Variants in TGFBR3 observed in about 807,000 individuals in gnomAD.
TGFBR3 encodes transforming growth factor beta receptor 3.
TGFBR3 carries 46 observed loss-of-function variants against 87.9 expected under a neutral mutation model. The ratio of observed to expected loss-of-function variants is 0.52; its 90% confidence interval spans 0.41 to 0.67. The LOEUF (loss-of-function observed/expected upper bound fraction) is 0.67. TGFBR3 is among the 30% of genes least tolerant of loss of function. The pLI is 0.00. For synonymous variants in TGFBR3, 381 were observed against 391.6 expected (o/e 0.97, Z 0.32); for missense variants, 866 against 1,041.9 (o/e 0.83, Z 2.32).
At chr1:91,770,011 A>G (rs1674319735) in intron 3 of TGFBR3, among the ~76,000 whole-genome samples, 1 of 152,228 alleles carries the variant, frequency 6.6e-6, no homozygotes, top group African/African-American at 2.4e-5. Flanking sequence ...ACTGAGTCTC[A>G]GCATCAAAGT....
At chr1:91,711,109 T>C (rs2100757203) in intron 13 of TGFBR3, among the ~76,000 whole-genome samples, 1 of 152,240 alleles carries the variant, frequency 6.6e-6, no homozygotes, top group South Asian at 2.1e-4. Context: ...CAGCCACACA[T>C]GAAGCTCCTC....
chr1:91,758,860 GC>G, intron 3 of TGFBR3, 110 bp from the exon 4 acceptor site: 1 of 1,305,770 alleles, frequency 7.7e-7, no homozygotes, highest in Non-Finnish European at 1.1e-6. Context: ...ACAGAAACAA[GC>G]TATAATGTAG....
chr1:91,704,293 A>G (rs1671716339), intron 14 of TGFBR3, among the ~76,000 whole-genome samples: 1 of 149,474 alleles, frequency 6.7e-6, no homozygotes, highest in Non-Finnish European at 1.5e-5. Context: ...GCGCCACTGC[A>G]CTCCAGTCTG....
intron 3 of TGFBR3, among the ~76,000 whole-genome samples, chr1:91,782,041 T>G (rs1252530986): frequency 1.3e-5 from 2 of 151,824 alleles, no homozygotes; most frequent in African/African-American, 4.8e-5. Context: ...ACTGGAAAAA[T>G]GAGTGGAATC....
chr1:91,748,722 GTATTATTATTAT>G (rs56351917), intron 4 of TGFBR3, among the ~76,000 whole-genome samples: 2 of 148,534 alleles, frequency 1.3e-5, no homozygotes, highest in East Asian at 2.0e-4. Context: ...ATTCTGGAAA[GTATTATTATTAT>G]TATTATTATT....
At chr1:91,812,507 T>G (rs1676064625) in intron 2 of TGFBR3, among the ~76,000 whole-genome samples, 1 of 152,234 alleles carries the variant, frequency 6.6e-6, no homozygotes, top group Non-Finnish European at 1.5e-5. Flanking sequence ...ATATTTTTCT[T>G]GAAGATGTAG....
intron 9 of TGFBR3, 150 bp from the exon 10 acceptor site, chr1:91,719,614 C>G (rs532433944): frequency 1.6e-5 from 16 of 1,016,976 alleles, no homozygotes; most frequent in African/African-American, 4.8e-5. Context: ...CCCAGCTGCC[C>G]ACCTCTCAAC....
chr1:91,826,162 C>CGA (rs1174992338), intron 2 of TGFBR3, among the ~76,000 whole-genome samples: 1 of 151,958 alleles, frequency 6.6e-6, no homozygotes, highest in Non-Finnish European at 1.5e-5. Context: ...CTCCCAGAGT[C>CGA]GAGAGAGAGT....
At chr1:91,775,250 G>A (rs1157970194) in intron 3 of TGFBR3, among the ~76,000 whole-genome samples, 1 of 152,144 alleles carries the variant, frequency 6.6e-6, no homozygotes, top group African/African-American at 2.4e-5. Flanking sequence ...TAAGAACACA[G>A]AAATGTAAAG....
chr1:91,793,586 C>G (rs940570837), intron 3 of TGFBR3, among the ~76,000 whole-genome samples: 2 of 152,134 alleles, frequency 1.3e-5, no homozygotes, highest in Admixed American at 1.3e-4. Flanking sequence ...GGACGGATCA[C>G]TTGAGGCCAG....
At chr1:91,827,148 G>A (rs1364454178) in intron 2 of TGFBR3, among the ~76,000 whole-genome samples, 1 of 152,162 alleles carries the variant, frequency 6.6e-6, no homozygotes, top group Non-Finnish European at 1.5e-5. Flanking sequence ...TCTAGGGAAG[G>A]TAAGCTCCCG....
chr1:91,722,772 C>T (rs1256326455), intron 7 of TGFBR3, among the ~76,000 whole-genome samples: 2 of 152,202 alleles, frequency 1.3e-5, no homozygotes, highest in African/African-American at 4.8e-5. Flanking sequence ...TCCTAGGCTA[C>T]AAACCTGCAC....
intron 2 of TGFBR3, among the ~76,000 whole-genome samples, chr1:91,803,218 T>C (rs1675705705): frequency 6.6e-6 from 1 of 152,364 alleles, no homozygotes; most frequent in East Asian, 1.9e-4. Context: ...TTGGCCATTC[T>C]GGTGAAGCAC....
At chr1:91,713,113 G>A (rs1406134495) in intron 12 of TGFBR3, among the ~76,000 whole-genome samples, 1 of 152,228 alleles carries the variant, frequency 6.6e-6, no homozygotes, top group East Asian at 1.9e-4. Flanking sequence ...CAGTGACGGT[G>A]CAACCTGGAG....
intron 3 of TGFBR3, among the ~76,000 whole-genome samples, chr1:91,787,417 G>C (rs940366965): frequency 6.6e-6 from 1 of 152,168 alleles, no homozygotes; most frequent in African/African-American, 2.4e-5. Context: ...GAGTGGCAGA[G>C]CTGAGACTAG....
At chr1:91,900,633 G>A (rs1329201707) in intron 1 of TGFBR3, among the ~76,000 whole-genome samples, 1 of 152,166 alleles carries the variant, frequency 6.6e-6, no homozygotes, top group Non-Finnish European at 1.5e-5. Context: ...TTTCTACCTT[G>A]CAATATATAT....
chr1:91,712,201 A>C (rs779646077), intron 13 of TGFBR3, 42 bp downstream of exon 13: 49 of 1,601,542 alleles, frequency 3.1e-5, no homozygotes, highest in Non-Finnish European at 3.8e-5. Context: ...CCTCACCTAA[A>C]AATGCCAAAA....
rs1478468925 is a variant in TGFBR3, at chr1:91,811,516, T to C, written c.62-14045A>G. Among the ~76,000 whole-genome samples the C allele has an allele frequency of 2.0e-5, 3 of 152,200 alleles. No individual in the cohort carries two copies. In the South Asian group the frequency reaches 6.2e-4, roughly 32 times the overall value. ...TAAAAGCATGTGATGGAGTTTGTGA[T>C]CTTGGCATGATATATGCCATGACAT... On this transcript the variant is annotated intron_variant, in intron 2 of 16. Transcript: ENST00000212355.
At chr1:91,896,171 A>G (rs1269985465) in intron 2 of TGFBR3, among the ~76,000 whole-genome samples, 1 of 152,202 alleles carries the variant, frequency 6.6e-6, no homozygotes, top group African/African-American at 2.4e-5. Context: ...TGTAAGCTCC[A>G]CAGTACACTA....
Sources: allele counts gnomAD v4.1 joint callset (sites outside exome capture counted in the v4.1 genomes callset), GRCh38; gene constraint gnomAD v4.1.1; transcripts MANE v1.5; gene names NCBI Gene and HGNC (gene_info 2026-07-23, HGNC 2026-07-21).